CPNE4: variants seen among roughly 807,000 people sequenced by gnomAD.
CPNE4 encodes the protein copine-4.
In CPNE4, 25 loss-of-function variants were observed where a neutral mutation model predicts 67.9. The observed-to-expected ratio is 0.37, with a 90% confidence interval of 0.27 to 0.51. The LOEUF (loss-of-function observed/expected upper bound fraction) is 0.51. Among genes scored for constraint, CPNE4 ranks in the 20% least tolerant of loss-of-function variants. CPNE4 has a pLI of 0.93. For synonymous variants in CPNE4, 242 were observed against 244.9 expected, an observed-to-expected ratio of 0.99 and a Z score of 0.11; for missense variants, 464 against 690.8, an observed-to-expected ratio of 0.67 and a Z score of 3.68.
In CPNE4 at chr3:131,756,094, G is replaced by A. The variant is rs58150720; in HGVS notation, c.181-32469C>T. Among the ~76,000 whole-genome samples the A allele has an allele frequency of 3.4e-3, 512 of 152,208 alleles. 1 individual carries two copies. The highest frequency in any genetic ancestry group is 0.012 in the African/African-American group (488 of 41,538). ...GTCAGTGTCTATAAAGAAACAGCGA[G>A]TAAAAAATGACAAAAAGCTTTGGTG... is the stretch of plus-strand genomic sequence containing the variant. On this transcript the variant is annotated intron_variant, in intron 2 of 15. Transcript: ENST00000429747.
intron 2 of CPNE4, among the ~76,000 whole-genome samples, chr3:131,774,149 A>G (rs1249425068): frequency 2.0e-5 from 3 of 152,182 alleles, no homozygotes; most frequent in Non-Finnish European, 1.5e-5. Context: ...AGCTTCTTCC[A>G]GCAGGCAGGG....
chr3:131,793,870 C>T (rs2083850021), intron 2 of CPNE4, among the ~76,000 whole-genome samples: 1 of 152,198 alleles, frequency 6.6e-6, no homozygotes, highest in Admixed American at 6.5e-5. Context: ...TTGCATTCTC[C>T]AGTCACTCAC....
At chr3:131,924,767 A>G (rs2070846964) in intron 1 of CPNE4, among the ~76,000 whole-genome samples, 1 of 152,204 alleles carries the variant, frequency 6.6e-6, no homozygotes, top group African/African-American at 2.4e-5. Flanking sequence ...AAAGGAAATT[A>G]AACCCCTAAA....
intron 1 of CPNE4, among the ~76,000 whole-genome samples, chr3:131,918,578 A>G (rs1000631249): frequency 3.9e-5 from 6 of 152,194 alleles, no homozygotes; most frequent in African/African-American, 1.4e-4. Flanking sequence ...AAAAACAAAT[A>G]ACAAATAAGC....
chr3:131,670,786 C>CTTGGAA (rs2080390892), intron 6 of CPNE4, among the ~76,000 whole-genome samples: 1 of 149,176 alleles, frequency 6.7e-6, no homozygotes, highest in Non-Finnish European at 1.5e-5. Context: ...CTTAGGAAGT[C>CTTGGAA]TTTAGTTAGT....
chr3:131,966,641 G>T (rs1402852742), intron 1 of CPNE4, among the ~76,000 whole-genome samples: 1 of 152,026 alleles, frequency 6.6e-6, no homozygotes, highest in Non-Finnish European at 1.5e-5. Context: ...ATAAATTCCT[G>T]GACACATACA....
chr3:131,742,181 C>T (rs1280382965), intron 2 of CPNE4, among the ~76,000 whole-genome samples: 1 of 152,148 alleles, frequency 6.6e-6, no homozygotes, highest in East Asian at 1.9e-4. Flanking sequence ...TAAGTAAAGC[C>T]AATTGCCTTC....
intron 1 of CPNE4, among the ~76,000 whole-genome samples, chr3:132,020,671 A>G (rs2073975505): frequency 6.6e-6 from 1 of 152,156 alleles, no homozygotes; most frequent in Non-Finnish European, 1.5e-5. Flanking sequence ...CACCCCTCCA[A>G]GTAATTCATC....
intron 7 of CPNE4, among the ~76,000 whole-genome samples, chr3:131,621,572 T>C (rs1189602596): frequency 1.3e-5 from 2 of 152,108 alleles, no homozygotes; most frequent in African/African-American, 2.4e-5. Context: ...AATGCTACCA[T>C]GTCAGATATC....
intron 2 of CPNE4, among the ~76,000 whole-genome samples, chr3:131,880,200 C>T (rs1006351193): frequency 1.1e-4 from 17 of 150,716 alleles, no homozygotes; most frequent in African/African-American, 4.1e-4. Context: ...ACTGCAAGCT[C>T]CGCCTCCCGG....
intron 7 of CPNE4, among the ~76,000 whole-genome samples, chr3:131,588,648 T>G (rs978190355): frequency 6.6e-6 from 1 of 152,206 alleles, no homozygotes; most frequent in African/African-American, 2.4e-5. Context: ...CTGTCTAAAA[T>G]GAAACATTGT....
intron 1 of CPNE4, among the ~76,000 whole-genome samples, chr3:132,005,330 T>TAA (rs2073563864): frequency 7.1e-5 from 2 of 28,368 alleles, no homozygotes; most frequent in Non-Finnish European, 3.6e-4. Context: ...TATATATATA[T>TAA]ATATATATAT....
intron 2 of CPNE4, among the ~76,000 whole-genome samples, chr3:131,766,925 G>A (rs1429701861): frequency 2.0e-5 from 3 of 152,098 alleles, no homozygotes; most frequent in Non-Finnish European, 2.9e-5. Flanking sequence ...CAATGCTGCT[G>A]TAAACTCAAA....
rs1465943149 is a variant in CPNE4, at chr3:131,978,083, A to T, written c.-2+56484T>A. 8.3e-5 allele frequency among the ~76,000 whole-genome samples: 3 copies of T among 35,984 alleles called. 1 individual carries two copies. The highest frequency in any genetic ancestry group is 1.4e-4 in the Non-Finnish European group (3 of 21,760). 23.6% of individuals were successfully genotyped at this position (35,984 alleles called of 152,430 possible). On this transcript the variant is annotated intron_variant, in intron 1 of 15. Transcript: ENST00000429747. Reference sequence around the variant, plus strand: ...AATATATATAAATATATATAAATATATATAAATATATATATAAATATATAT... The same window carrying T: ...AATATATATAAATATATATAAATATTTATAAATATATATATAAATATATAT...
intron 1 of CPNE4, among the ~76,000 whole-genome samples, chr3:131,955,353 T>C (rs1184386455): frequency 6.7e-6 from 1 of 149,062 alleles, no homozygotes; most frequent in Non-Finnish European, 1.5e-5. Context: ...TTATTTTTTC[T>C]CACAAAAAAG....
intron 1 of CPNE4, among the ~76,000 whole-genome samples, chr3:131,982,185 G>C (rs1409404556): frequency 6.6e-6 from 1 of 152,110 alleles, no homozygotes; most frequent in Non-Finnish European, 1.5e-5. Flanking sequence ...TACATTGCTT[G>C]ACTTCATTTA....
intron 2 of CPNE4, among the ~76,000 whole-genome samples, chr3:131,789,666 AC>A (rs1319603577): frequency 6.6e-6 from 1 of 152,226 alleles, no homozygotes; most frequent in East Asian, 1.9e-4. Context: ...AATGTAAAAC[AC>A]CACTGAAGAA....
chr3:131,593,022 A>G (rs927442212), intron 7 of CPNE4, among the ~76,000 whole-genome samples: 1 of 152,206 alleles, frequency 6.6e-6, no homozygotes, highest in African/African-American at 2.4e-5. Flanking sequence ...GCTTTTTGTG[A>G]TGGTCAGCTT....
In CPNE4 at chr3:131,615,524, C is replaced by T. The variant is rs140766046; in HGVS notation, c.682-27942G>A. 2.1e-3 allele frequency among the ~76,000 whole-genome samples: 314 copies of T among 152,028 alleles called. 1 individual carries two copies. Among genetic ancestry groups the T allele is most frequent in the African/African-American group, 7.1e-3 (296 of 41,448 alleles). ...TTAGGAACCTCACTAATTGAAGAAC[C>T]CTTAGTCAATGAATAATAGAGTGGT... On this transcript the variant is annotated intron_variant, in intron 7 of 15. Transcript: ENST00000429747.
Sources: gnomAD v4.1 joint callset for allele counts (sites outside exome capture counted in the v4.1 genomes callset) on GRCh38, gnomAD v4.1.1 for gene constraint, MANE v1.5 for transcripts, NCBI Gene and HGNC (gene_info 2026-07-23, HGNC 2026-07-21) for gene names.